Variants in RFX3 observed in about 807,000 individuals in gnomAD.
RFX3 encodes transcription factor RFX3.
RFX3 carries 14 observed loss-of-function variants against 98.6 expected under a neutral mutation model. The observed-to-expected ratio is 0.14, with a 90% CI of 0.09 to 0.22. The LOEUF (loss-of-function observed/expected upper bound fraction) is 0.22, where lower values mean the gene tolerates loss of function less well. RFX3 is among the 10% of genes least tolerant of loss of function. The pLI is 1.00. For missense variants in RFX3, 639 were observed against 926.9 expected, an observed-to-expected ratio of 0.69 and a Z score of 4.03; for synonymous variants, 383 against 328.4, an observed-to-expected ratio of 1.17 and a Z score of -1.80.
rs1378978003 is a variant in RFX3 at position 3,262,790 on chromosome 9, T to A, written c.1605+145A>T. 1.6e-5 allele frequency: 13 copies of A among 826,018 alleles called. No homozygotes were observed. In the Admixed American group the frequency reaches 2.1e-4, roughly 13 times the overall value. The allele number at this position is 826,018 out of a possible 1,614,324, so 51.2% of individuals were successfully genotyped here. A position where few individuals can be genotyped will look rare whatever the true frequency, so the allele number is the denominator to read the frequency against. On this transcript the variant is annotated intron_variant, in intron 13 of 16. Transcript: ENST00000617270. The stretch of plus-strand genomic sequence containing the variant: ...TGGGAGCACTACAGCTGTATCTGGG[T>A]CAAACTCCTCTCTTTCAGAACACTG...
chr9:3,256,097 G>A (rs1822104674), intron 14 of RFX3, among the ~76,000 whole-genome samples: 2 of 152,066 alleles, frequency 1.3e-5, no homozygotes, highest in African/African-American at 2.4e-5. Flanking sequence ...TTCCAGAGTA[G>A]CTGGGACTAC....
intron 1 of RFX3, among the ~76,000 whole-genome samples, chr9:3,473,208 C>A (rs371427862): frequency 1.3e-5 from 2 of 152,134 alleles, no homozygotes; most frequent in South Asian, 2.1e-4. Context: ...TAAGCCAGGG[C>A]AAAAGCTGCA....
chr9:3,489,827 C>T (rs1242152191), intron 1 of RFX3, among the ~76,000 whole-genome samples: 1 of 152,100 alleles, frequency 6.6e-6, no homozygotes, highest in East Asian at 1.9e-4. Context: ...GAAAATTTTA[C>T]ATTATTGGAG....
chr9:3,231,294 G>A (rs113883571), intron 15 of RFX3, among the ~76,000 whole-genome samples: 1 of 152,080 alleles, frequency 6.6e-6, no homozygotes, highest in Non-Finnish European at 1.5e-5. Flanking sequence ...TGAAGGTAAA[G>A]GCTTTTATAT....
intron 2 of RFX3, among the ~76,000 whole-genome samples, chr9:3,348,593 T>C (rs889110564): frequency 6.6e-6 from 1 of 152,054 alleles, no homozygotes; most frequent in Admixed American, 6.6e-5. Context: ...TACTTTGAAA[T>C]AAAGTTTTTA....
intron 3 of RFX3, among the ~76,000 whole-genome samples, chr9:3,345,034 C>T (rs916682156): frequency 1.3e-5 from 2 of 152,150 alleles, no homozygotes; most frequent in African/African-American, 2.4e-5. Flanking sequence ...AGTTCGCATT[C>T]AGGGAGAGTT....
chr9:3,339,164 G>A (rs992444776), intron 3 of RFX3, among the ~76,000 whole-genome samples: 1 of 151,842 alleles, frequency 6.6e-6, no homozygotes, highest in African/African-American at 2.4e-5. Context: ...TTATAAAAAG[G>A]AATTTTATAT....
intron 1 of RFX3, among the ~76,000 whole-genome samples, chr9:3,414,335 A>G (rs118183458): frequency 0.035 from 5,309 of 152,132 alleles, 121 homozygotes; most frequent in Non-Finnish European, 0.057. Context: ...TGAGAATGTC[A>G]ATCTTAAGAG....
chr9:3,243,096 C>T (rs1400665477), intron 15 of RFX3, among the ~76,000 whole-genome samples: 1 of 151,838 alleles, frequency 6.6e-6, no homozygotes, highest in African/African-American at 2.4e-5. Context: ...AATAAAAGGA[C>T]ATTTTTCTGC....
chr9:3,278,053 TACAA>T (rs1019193639), intron 7 of RFX3, among the ~76,000 whole-genome samples: 9 of 151,904 alleles, frequency 5.9e-5, no homozygotes, highest in African/African-American at 2.2e-4. Flanking sequence ...AGAATCAATC[TACAA>T]ACAGAGTTTA....
chr9:3,228,561 C>T (rs1818069381), intron 16 of RFX3, among the ~76,000 whole-genome samples: 1 of 152,148 alleles, frequency 6.6e-6, no homozygotes, highest in Non-Finnish European at 1.5e-5. Flanking sequence ...TAGCCATGGT[C>T]AGAAATAATT....
intron 2 of RFX3, among the ~76,000 whole-genome samples, chr9:3,369,998 T>A (rs1258365179): frequency 5.8e-5 from 6 of 102,742 alleles, no homozygotes; most frequent in Non-Finnish European, 1.3e-4. Flanking sequence ...CCGGCTAATT[T>A]TTTTTTTTTT....
At chr9:3,484,992 G>A (rs954185780) in intron 1 of RFX3, among the ~76,000 whole-genome samples, 17 of 150,828 alleles carry the variant, frequency 1.1e-4, no homozygotes, top group Admixed American at 2.7e-4. Flanking sequence ...CTAGCTACTT[G>A]GGAGGCTCAG....
At chr9:3,481,864 T>TAA (rs147275253) in intron 1 of RFX3, among the ~76,000 whole-genome samples, 1 of 151,498 alleles carries the variant, frequency 6.6e-6, no homozygotes, top group East Asian at 1.9e-4. Context: ...ATTGCCAAAA[T>TAA]AAAAAAAATA....
chr9:3,421,326 TA>T (rs1261798090), intron 1 of RFX3, among the ~76,000 whole-genome samples: 4 of 152,220 alleles, frequency 2.6e-5, no homozygotes, highest in Non-Finnish European at 5.9e-5. Flanking sequence ...CCCTATTGAT[TA>T]AATGCAACTG....
At chr9:3,312,532 A>C (rs1011404843) in intron 4 of RFX3, among the ~76,000 whole-genome samples, 3 of 152,092 alleles carry the variant, frequency 2.0e-5, no homozygotes, top group Admixed American at 6.6e-5. Context: ...GAAGTAGCTT[A>C]ACTGAGAGAT....
chr9:3,400,381 C>G (rs1306892922), intron 1 of RFX3: 2 of 169,686 alleles, frequency 1.2e-5, no homozygotes, highest in African/African-American at 4.8e-5. Context: ...CATCAAGCCT[C>G]CAGCTGTACC....
At chr9:3,422,399 C>A (rs1843526867) in intron 1 of RFX3, among the ~76,000 whole-genome samples, 1 of 152,088 alleles carries the variant, frequency 6.6e-6, no homozygotes, top group Admixed American at 6.5e-5. Flanking sequence ...GAAGAGATGA[C>A]CTAAAGTCAA....
At chr9:3,233,129 A>G (rs571861695) in intron 15 of RFX3, among the ~76,000 whole-genome samples, 5 of 152,338 alleles carry the variant, frequency 3.3e-5, no homozygotes, top group African/African-American at 1.2e-4. Flanking sequence ...TCACTGGACA[A>G]CAGCAGGCTG....
Sources: gnomAD v4.1 joint callset for allele counts (sites outside exome capture counted in the v4.1 genomes callset) on GRCh38, gnomAD v4.1.1 for gene constraint, MANE v1.5 for transcripts, NCBI Gene and HGNC (gene_info 2026-07-23, HGNC 2026-07-21) for gene names.